Variants in ATAD3C observed in about 807,000 individuals in gnomAD.
ATAD3C encodes the protein ATPase family AAA domain-containing protein 3C.
ATAD3C carries 38 observed loss-of-function variants against 46.3 expected under a neutral mutation model. The ratio of observed to expected loss-of-function variants is 0.82; its 90% CI spans 0.63 to 1.08. ATAD3C has a LOEUF of 1.08. ATAD3C is among the 50% of genes least tolerant of loss of function. The pLI, the probability that ATAD3C is intolerant of heterozygous loss-of-function variation, is 0.00. For synonymous variants in ATAD3C, 220 were observed against 236.4 expected, an observed-to-expected ratio of 0.93 and a Z score of 0.63; for missense variants, 563 against 572.7, an observed-to-expected ratio of 0.98 and a Z score of 0.17.
rs1419743908 is a variant in ATAD3C, at chr1:1,452,038, C to T, written c.76-8C>T. 6.2e-7 allele frequency: 1 copy of T among 1,613,436 alleles called. No homozygotes were observed. The highest frequency in any genetic ancestry group is 8.5e-7 in the Non-Finnish European group (1 of 1,179,540). Reference sequence around the variant, plus strand: ...AGGCTTTTCTCTTTTTCTGCGGCTTCTTCTCAGCAACTTGTCAATGAGGAT... The same window carrying T: ...AGGCTTTTCTCTTTTTCTGCGGCTTTTTCTCAGCAACTTGTCAATGAGGAT... On this transcript the variant is annotated splice_polypyrimidine_tract_variant and splice_region_variant and intron_variant, in intron 1 of 11. Coordinates refer to ENST00000378785, the MANE Select transcript of ATAD3C (RefSeq NM_001039211.3).
In ATAD3C at chr1:1,450,517, C is replaced by T. The variant is rs1186680464; in HGVS notation, c.-167C>T. The T allele has an allele frequency of 1.4e-5, 12 of 844,448 alleles. No homozygotes were observed. The highest frequency in any genetic ancestry group is 1.7e-5 in the Non-Finnish European group (9 of 528,332). 52.3% of individuals were successfully genotyped at this position (844,448 alleles called of 1,614,324 possible). On this transcript the variant is annotated 5_prime_UTR_variant, in exon 1 of 12. Coordinates refer to ENST00000378785, the MANE Select transcript of ATAD3C (RefSeq NM_001039211.3). ...AGGCCGTGTGCTGGGGATGGGGCAT[C>T]GTCACGCCAGGTCTGACTAGGAAGG...
chr1:1,451,912 G>A (rs1638866046), intron 1 of ATAD3C, 134 bp from the exon 2 acceptor site: 1 of 1,408,994 alleles, frequency 7.1e-7, no homozygotes, highest in Non-Finnish European at 9.5e-7. Flanking sequence ...GTGTCAGGGT[G>A]CGGCGTCTGC....
chr1:1,465,752 G>A (rs1198615740), intron 11 of ATAD3C, among the ~76,000 whole-genome samples: 1 of 151,832 alleles, frequency 6.6e-6, no homozygotes, highest in Non-Finnish European at 1.5e-5. Flanking sequence ...TATCATCTGA[G>A]AACAGGTGAT....
chr1:1,469,213 G>A lies in ATAD3C; in HGVS notation c.*683G>A, dbSNP rs913968841. On this transcript the variant is annotated 3_prime_UTR_variant, in exon 12 of 12. Coordinates refer to ENST00000378785, the MANE Select transcript of ATAD3C (RefSeq NM_001039211.3). ...AGGCAGGAGAATCACTTGAGCCCGG[G>A]AAGTGGAGGTTGCACTGAGCTGAGA... 6.7e-6 allele frequency: 1 copy of A among 148,716 alleles called. No individual in the cohort carries two copies. The highest frequency in any genetic ancestry group is 1.5e-5 in the Non-Finnish European group (1 of 67,348). 9.2% of individuals were successfully genotyped at this position (148,716 alleles called of 1,614,324 possible). A position where few individuals can be genotyped will look rare whatever the true frequency, so the allele number is the denominator to read the frequency against.
In ATAD3C at chr1:1,450,451, C is replaced by G; in HGVS notation, c.-233C>G. The G allele has an allele frequency of 1.7e-6, 1 of 573,998 alleles. No homozygotes were observed. The highest frequency in any genetic ancestry group is 3.1e-6 in the Non-Finnish European group (1 of 319,614). 35.6% of individuals were successfully genotyped at this position (573,998 alleles called of 1,614,324 possible). On this transcript the variant is annotated 5_prime_UTR_variant, in exon 1 of 12. Coordinates refer to ENST00000378785, the MANE Select transcript of ATAD3C (RefSeq NM_001039211.3). ...GGATGGCCTTCCTGATGTGGCTCTCCAAGACCATCCCTGGAGGGCATAAAA... is the reference window on the plus strand; with the variant it reads ...GGATGGCCTTCCTGATGTGGCTCTCGAAGACCATCCCTGGAGGGCATAAAA...
At chr1:1,463,704 A>G (rs1025560096) in intron 11 of ATAD3C, among the ~76,000 whole-genome samples, 3 of 151,756 alleles carry the variant, frequency 2.0e-5, no homozygotes, top group African/African-American at 7.3e-5. Flanking sequence ...TGAAACCAGG[A>G]GTTCAGGACC....
Position 1,455,493 on chromosome 1 carries a change from G to C in ATAD3C, c.412G>C (p.Asp138His). ...CCGGCGGCTCCTCAGTCGACCCCAG[G>C]ACGTGCTGGAGGGTGTTGTGCTTAG... is the stretch of plus-strand genomic sequence containing the variant. ...VSRRLLSRPQ[D>H]VLEGVVLSPS... Residue 138 changes from aspartate (D) to histidine (H), a missense_variant, in exon 5 of 12, where the codon GAC becomes CAC. By Grantham distance (81) the Asp-to-His change is moderately conservative. Coordinates refer to ENST00000378785, the MANE Select transcript of ATAD3C (RefSeq NM_001039211.3). 2 of 1,612,672 alleles carry C rather than the reference G, an allele frequency of 1.2e-6. No homozygotes were observed. Among genetic ancestry groups the C allele is most frequent in the South Asian group, 2.2e-5 (2 of 90,964 alleles).
chr1:1,466,208 C>T (rs1368487242), intron 11 of ATAD3C, among the ~76,000 whole-genome samples: 1 of 149,262 alleles, frequency 6.7e-6, no homozygotes, highest in Non-Finnish European at 1.5e-5. Context: ...TGCCATTGCA[C>T]CCCAGCCTGG....
In ATAD3C at chr1:1,462,977, C is replaced by T. The variant is rs1639093717; in HGVS notation, c.1089+269C>T. On this transcript the variant is annotated intron_variant, in intron 11 of 11. Coordinates refer to ENST00000378785, the MANE Select transcript of ATAD3C (RefSeq NM_001039211.3). This position sits in a 1 kb window ranked among gnomAD's most constrained non-coding sequence, Gnocchi z 4.5. ...CGGCCTCCTAGTAGCCCGGGCTCTG[C>T]CAGGTGGGGCGGGAGGCTTCTGATG... Among the ~76,000 whole-genome samples the T allele has an allele frequency of 6.6e-6, 1 of 152,110 alleles. No homozygotes were observed. The highest frequency in any genetic ancestry group is 1.5e-5 in the Non-Finnish European group (1 of 68,004).
intron 11 of ATAD3C, among the ~76,000 whole-genome samples, chr1:1,466,232 A>C (rs1639139818): frequency 7.0e-6 from 1 of 143,482 alleles, no homozygotes; most frequent in Non-Finnish European, 1.5e-5. Flanking sequence ...AGAAGAGCAA[A>C]CTTCTGTCTC....
Position 1,460,915 on chromosome 1 carries a change from G to GC in ATAD3C, c.979dup (p.Arg327ProfsTer9). On this transcript the variant is annotated frameshift_variant and splice_region_variant, in exon 10 of 12. Transcript: ENST00000378785. LOFTEE classifies it high-confidence loss of function. ...TTCTTAAGCCGGCCACAGAAGGAAA[G>GC]CGGTAAGTGTCCCGCCCCACCAGCC... 6.2e-7 allele frequency: 1 copy of GC among 1,605,984 alleles called. No individual in the cohort carries two copies. Among genetic ancestry groups the GC allele is most frequent in the South Asian group, 1.1e-5 (1 of 89,704 alleles).
Position 1,455,872 on chromosome 1 carries a change from C to G in ATAD3C, c.520C>G (p.Leu174Val), listed in dbSNP as rs779512630. 5 of 1,613,342 alleles carry G rather than the reference C, an allele frequency of 3.1e-6. No individual in the cohort carries two copies. Among genetic ancestry groups the G allele is most frequent in the Non-Finnish European group, 4.2e-6 (5 of 1,179,726 alleles). ...GAACCGGGGCCTGTACAGGCACATC[C>G]TGCTGTACGGGCCACCAGGCACCGG... ...KKNRGLYRHI[L>V]LYGPPGTGKT... is the part of the protein sequence containing the mutation. The change falls in exon 6 of 12, where the codon CTG becomes GTG. Residue 174 changes from leucine (L) to valine (V), a missense_variant. Transcript: ENST00000378785.
chr1:1,461,624 C>T (rs1254683676), intron 10 of ATAD3C, among the ~76,000 whole-genome samples: 1 of 150,340 alleles, frequency 6.7e-6, no homozygotes, highest in Non-Finnish European at 1.5e-5. Context: ...AGGAGAGTCT[C>T]CTCATGAGAC....
At chr1:1,452,888 C>T (rs1627833) in intron 3 of ATAD3C, among the ~76,000 whole-genome samples, 1 of 151,482 alleles carries the variant, frequency 6.6e-6, no homozygotes, top group Non-Finnish European at 1.5e-5. Flanking sequence ...CCTCAGAAAA[C>T]CCTGAGAGTT....
chr1:1,467,767 C>T (rs1448459041), intron 11 of ATAD3C, among the ~76,000 whole-genome samples: 1 of 152,084 alleles, frequency 6.6e-6, no homozygotes, highest in Non-Finnish European at 1.5e-5. Context: ...GGACTCCATG[C>T]CCTTTGCTGG....
chr1:1,466,041 G>A (rs1326965231), intron 11 of ATAD3C, among the ~76,000 whole-genome samples: 4 of 151,784 alleles, frequency 2.6e-5, no homozygotes, highest in Non-Finnish European at 4.4e-5. Context: ...TCGGCAGTTC[G>A]AGGCCAGCCT....
intron 10 of ATAD3C, among the ~76,000 whole-genome samples, chr1:1,461,602 G>A (rs532548587): frequency 6.6e-6 from 1 of 152,212 alleles, no homozygotes; most frequent in African/African-American, 2.4e-5. Context: ...AGACCCCCAT[G>A]TCGGAATTCG....
At chr1:1,450,897 C>T (rs1022159975) in intron 1 of ATAD3C, 139 bp downstream of exon 1, 2 of 1,375,596 alleles carry the variant, frequency 1.5e-6, no homozygotes, top group Non-Finnish European at 2.0e-6. Flanking sequence ...GCTTGGGCGC[C>T]TCATTTCACA....
At position 1,455,791 on chromosome 1, in the gene ATAD3C, C is replaced by A. The variant is rs1483655369; in HGVS notation, c.439C>A (p.Pro147Thr). The change falls in exon 6 of 12, where the codon CCC becomes ACC. Residue 147 changes from proline to threonine, a missense_variant and splice_region_variant. Transcript: ENST00000378785. ...TCCAAGCCCCTGTCTTCCTCGGCAG[C>A]CCAGCCTGGAAGCACGGGTGCGCGA... The part of the protein sequence containing the change: ...QDVLEGVVLS[P>T]SLEARVRDIA... 2.5e-6 allele frequency: 4 copies of A among 1,613,268 alleles called. No homozygotes were observed. The South Asian group carries it at 4.4e-5, about 18-fold the overall frequency.
Sources: gnomAD v4.1 joint callset for allele counts (sites outside exome capture counted in the v4.1 genomes callset) on GRCh38, gnomAD v4.1.1 for gene constraint, Gnocchi (gnomAD v3.1) non-coding constraint, MANE v1.5 for transcripts, NCBI Gene and HGNC (gene_info 2026-07-23, HGNC 2026-07-21) for gene names.